The following SVEP1 variants were observed in gnomAD, a reference collection of about 807,000 sequenced individuals.
SVEP1 encodes sushi, von Willebrand factor type A, EGF and pentraxin domain containing 1, also known as sushi, von Willebrand factor type A, EGF and pentraxin domain-containing protein 1.
Under a neutral mutation model 367.3 loss-of-function variants are expected in SVEP1, and 164 were observed. The ratio of observed to expected loss-of-function variants is 0.45; its 90% CI spans 0.39 to 0.51. SVEP1 has a LOEUF of 0.51. Ranked by LOEUF, SVEP1 falls within the 20% of genes least tolerant of loss-of-function variation. The pLI is 0.00. For synonymous variants in SVEP1, 1,666 were observed against 1,611.6 expected, an observed-to-expected ratio of 1.03 and a Z score of -0.81; for missense variants, 4,117 against 4,425.3, an observed-to-expected ratio of 0.93 and a Z score of 1.98.
At chr9:110,578,752 A>C (rs1830655232) in intron 1 of SVEP1, among the ~76,000 whole-genome samples, 1 of 152,184 alleles carries the variant, frequency 6.6e-6, no homozygotes. Context: ...CGTTTCAAGG[A>C]TCCCTTCCTA....
At chr9:110,472,631 G>A (rs764202142) in intron 14 of SVEP1, among the ~76,000 whole-genome samples, 4 of 152,130 alleles carry the variant, frequency 2.6e-5, no homozygotes, top group Non-Finnish European at 5.9e-5. Flanking sequence ...GTAAATTTTA[G>A]AGGTAAATAA....
intron 2 of SVEP1, among the ~76,000 whole-genome samples, 155 bp from the exon 3 acceptor site, chr9:110,546,446 T>C (rs368535328): frequency 2.0e-5 from 3 of 152,206 alleles, no homozygotes; most frequent in Non-Finnish European, 2.9e-5. Flanking sequence ...TACGAATGTG[T>C]GTTATTTGTA....
intron 40 of SVEP1, among the ~76,000 whole-genome samples, chr9:110,398,524 G>C (rs1273893654): frequency 6.6e-6 from 1 of 152,110 alleles, no homozygotes; most frequent in East Asian, 1.9e-4. Context: ...CTTCTGCACA[G>C]CAAAAGAAAC....
intron 18 of SVEP1, among the ~76,000 whole-genome samples, chr9:110,464,296 C>G (rs1398350111): frequency 6.6e-6 from 1 of 152,210 alleles, no homozygotes; most frequent in Non-Finnish European, 1.5e-5. Flanking sequence ...TTCTTCTCAA[C>G]TCTTCAGTGA....
At chr9:110,523,464 T>A (rs1294352405) in intron 3 of SVEP1, among the ~76,000 whole-genome samples, 2 of 152,080 alleles carry the variant, frequency 1.3e-5, no homozygotes, top group African/African-American at 4.8e-5. Context: ...TCAGAGAGAA[T>A]AAACAGAAAA....
At chr9:110,527,225 G>C (rs902117723) in intron 3 of SVEP1, among the ~76,000 whole-genome samples, 1 of 152,034 alleles carries the variant, frequency 6.6e-6, no homozygotes, top group Non-Finnish European at 1.5e-5. Flanking sequence ...AAAGGATATA[G>C]AGGATCTCTG....
intron 3 of SVEP1, among the ~76,000 whole-genome samples, chr9:110,532,400 G>A (rs1483622752): frequency 6.6e-6 from 1 of 152,162 alleles, no homozygotes; most frequent in Non-Finnish European, 1.5e-5. Context: ...TTAGTTTGCT[G>A]TAAATCGAGA....
intron 38 of SVEP1, among the ~76,000 whole-genome samples, chr9:110,405,273 T>C (rs111287527): frequency 1.3e-5 from 2 of 151,802 alleles, no homozygotes; most frequent in African/African-American, 2.4e-5. Context: ...AATACCTACA[T>C]GGACTCAGAT....
intron 3 of SVEP1, among the ~76,000 whole-genome samples, chr9:110,523,733 C>T (rs961758105): frequency 6.6e-6 from 1 of 151,982 alleles, no homozygotes; most frequent in Non-Finnish European, 1.5e-5. Flanking sequence ...ATTTATAGTG[C>T]TAAATGCGTG....
At chr9:110,445,347 C>T (rs573372560) in intron 26 of SVEP1, among the ~76,000 whole-genome samples, 1 of 152,312 alleles carries the variant, frequency 6.6e-6, no homozygotes, top group South Asian at 2.1e-4. Flanking sequence ...AAAAAATATG[C>T]ACACTGAGTT....
intron 40 of SVEP1, among the ~76,000 whole-genome samples, chr9:110,393,617 G>C (rs999586481): frequency 1.3e-5 from 2 of 152,206 alleles, no homozygotes; most frequent in African/African-American, 4.8e-5. Context: ...GTCAAAGAAA[G>C]GGGTGACAGA....
At chr9:110,569,474 A>AT (rs1554724147) in intron 1 of SVEP1, among the ~76,000 whole-genome samples, 4 of 151,294 alleles carry the variant, frequency 2.6e-5, no homozygotes, top group Non-Finnish European at 5.9e-5. Context: ...AAAAAAAAAA[A>AT]TTTGAGGCTA....
chr9:110,429,164 T>A lies in SVEP1; in HGVS notation c.5786A>T (p.Tyr1929Phe). 6.3e-6 allele frequency: 10 copies of A among 1,596,218 alleles called. No individual in the cohort carries two copies. The highest frequency in any genetic ancestry group is 5.1e-6 in the Non-Finnish European group (6 of 1,170,732). The change falls in exon 35 of 48, where the codon TAT becomes TTT. Residue 1929 changes from tyrosine to phenylalanine, a missense_variant. Transcript: ENST00000374469. ...TTACCTGTATCCTGTATCGCATGAA[T>A]ATGATGCAGTAGAAAGGTAGGTAAG... The part of the protein sequence containing the change: ...SGLTYLSTAS[Y>F]SCDTGYSLQG...
intron 1 of SVEP1, among the ~76,000 whole-genome samples, chr9:110,555,725 G>A (rs1830348575): frequency 1.3e-5 from 2 of 151,994 alleles, no homozygotes. Context: ...AGGACTAGTA[G>A]TCCAAGCAAA....
At chr9:110,551,856 C>T (rs750618987) in intron 1 of SVEP1, among the ~76,000 whole-genome samples, 2 of 151,914 alleles carry the variant, frequency 1.3e-5, no homozygotes, top group African/African-American at 2.4e-5. Context: ...ACTCTCCACA[C>T]TCTCTCCACA....
chr9:110,473,575 C>T (rs947389347), intron 14 of SVEP1, among the ~76,000 whole-genome samples: 1 of 152,118 alleles, frequency 6.6e-6, no homozygotes, highest in Non-Finnish European at 1.5e-5. Context: ...GTGAAATGGC[C>T]ACATAATACT....
At chr9:110,531,118 A>G (rs189780400) in intron 3 of SVEP1, among the ~76,000 whole-genome samples, 1 of 152,288 alleles carries the variant, frequency 6.6e-6, no homozygotes, top group East Asian at 1.9e-4. Flanking sequence ...CAAATAATAA[A>G]GCAACTTTGT....
chr9:110,379,461 A>G lies in SVEP1; in HGVS notation c.10294T>C (p.Tyr3432His), dbSNP rs1355446177. The G allele has an allele frequency of 6.2e-7, 1 of 1,613,828 alleles. No homozygotes were observed. The highest frequency in any genetic ancestry group is 2.2e-5 in the East Asian group (1 of 44,854). ...TAGGTGATCATGTCTCCATATTGAT[A>G]ATGTACGCCTCGAGCAATTGCATTT... ...VENAIARGVH[Y>H]QYGDMITYSC... is the part of the protein sequence containing the mutation. The change falls in exon 44 of 48, where the codon TAT becomes CAT. Residue 3432 changes from tyrosine to histidine, a missense_variant. Tyr to His is a moderately conservative substitution (Grantham distance 83, BLOSUM62 2). Transcript: ENST00000374469.
intron 3 of SVEP1, among the ~76,000 whole-genome samples, chr9:110,521,498 C>T (rs965010320): frequency 6.6e-6 from 1 of 152,174 alleles, no homozygotes; most frequent in Non-Finnish European, 1.5e-5. Context: ...AAAACAAAAA[C>T]CTCAAAGGAC....
Sources: gnomAD v4.1 joint callset for allele counts (sites outside exome capture counted in the v4.1 genomes callset) on GRCh38, gnomAD v4.1.1 for gene constraint, MANE v1.5 for transcripts, NCBI Gene and HGNC (gene_info 2026-07-23, HGNC 2026-07-21) for gene names.